DGKZ: variants seen among roughly 807,000 people sequenced by gnomAD.
DGKZ encodes the protein DAG kinase zeta.
Under a neutral mutation model 142.5 loss-of-function variants are expected in DGKZ, and 45 were observed. The ratio of observed to expected loss-of-function variants is 0.32; its 90% CI spans 0.25 to 0.40. The LOEUF is 0.40. Ranked by LOEUF, DGKZ falls within the 10% of genes least tolerant of loss-of-function variation. DGKZ has a pLI of 1.00. For synonymous variants in DGKZ, 442 were observed against 527.0 expected (o/e 0.84, Z 2.21); for missense variants, 755 against 1,306.5 (o/e 0.58, Z 6.51).
intron 1 of DGKZ, chr11:46,365,324 A>ATCACCCAGCT (rs1943126158): frequency 2.0e-6 from 2 of 985,432 alleles, no homozygotes; most frequent in Non-Finnish European, 2.4e-6. Context: ...GTTTCCCGGC[A>ATCACCCAGCT]TCACCCAGCT....
At chr11:46,366,332 G>T in intron 1 of DGKZ, 1 of 1,563,346 alleles carries the variant, frequency 6.4e-7, no homozygotes, top group African/African-American at 1.4e-5. Context: ...GCCCAGCAGC[G>T]TGGGGCTGCC....
upstream of DGKZ, among the ~76,000 whole-genome samples, chr11:46,345,062 C>T (rs1412820609): frequency 6.6e-6 from 1 of 152,130 alleles, no homozygotes; most frequent in African/African-American, 2.4e-5. The surrounding 1 kb of genome is among the most constrained non-coding windows in gnomAD (Gnocchi z 4.1). Context: ...CTGGGCACAC[C>T]CAGCCATTGT....
chr11:46,334,093 G>A (rs924795736), intron 1 of DGKZ, among the ~76,000 whole-genome samples: 1 of 145,612 alleles, frequency 6.9e-6, no homozygotes, highest in Non-Finnish European at 1.5e-5. Flanking sequence ...AGAGTCTCTT[G>A]GCCTGCCACC....
upstream of DGKZ, among the ~76,000 whole-genome samples, chr11:46,345,902 C>T (rs553320264): frequency 2.0e-5 from 3 of 152,254 alleles, no homozygotes; most frequent in East Asian, 1.9e-4. The surrounding 1 kb of genome is among the most constrained non-coding windows in gnomAD (Gnocchi z 4.1). Flanking sequence ...GTGGAGACTC[C>T]GTGGGGTCTT....
At chr11:46,354,005 G>A (rs1941713433) in intron 1 of DGKZ, among the ~76,000 whole-genome samples, 1 of 152,194 alleles carries the variant, frequency 6.6e-6, no homozygotes, top group African/African-American at 2.4e-5. Context: ...GGGGCAAGCT[G>A]GTTCTTGCTC....
At chr11:46,357,711 A>G (rs1323474532) in intron 1 of DGKZ, among the ~76,000 whole-genome samples, 2 of 152,216 alleles carry the variant, frequency 1.3e-5, no homozygotes, top group African/African-American at 4.8e-5. Context: ...AGGAGCAGGC[A>G]TGTGGGCTGA....
At chr11:46,341,184 A>T (rs959916856) in intron 1 of DGKZ, among the ~76,000 whole-genome samples, 5 of 152,320 alleles carry the variant, frequency 3.3e-5, no homozygotes, top group African/African-American at 1.2e-4. Context: ...ACTTAGGCAA[A>T]CAAGAAGCCA....
chr11:46,354,027 C>T (rs375350255), intron 1 of DGKZ, among the ~76,000 whole-genome samples: 5 of 152,198 alleles, frequency 3.3e-5, no homozygotes, highest in African/African-American at 9.7e-5. Context: ...CCAACCCACA[C>T]GGACACCCCA....
chr11:46,363,714 G>A (rs903848914), intron 1 of DGKZ, among the ~76,000 whole-genome samples: 7 of 152,210 alleles, frequency 4.6e-5, no homozygotes, highest in South Asian at 2.1e-4. Flanking sequence ...AGCATCAGGC[G>A]GTGTGTCCGG....
chr11:46,342,846 A>T (rs951360314), upstream of DGKZ, among the ~76,000 whole-genome samples: 1 of 152,224 alleles, frequency 6.6e-6, no homozygotes, highest in African/African-American at 2.4e-5. Flanking sequence ...AAATAAGGCC[A>T]GGTGCGGTGG....
chr11:46,376,344 G>A lies in DGKZ; in HGVS notation c.2108G>A (p.Gly703Glu), dbSNP rs779636820. 7 of 1,613,940 alleles carry A rather than the reference G, an allele frequency of 4.3e-6. No individual in the cohort carries two copies. Among genetic ancestry groups the A allele is most frequent in the Non-Finnish European group, 5.9e-6 (7 of 1,180,012 alleles). ...TCTCAACAGGAGCCCGATGGTGCTG[G>A]AGCCAAGTCCCCGACATGCCAGAAA... Residue 703 changes from glycine to glutamate, a missense_variant, in exon 23 of 31, where the codon GGA (glycine) becomes GAA (glutamate). Coordinates refer to ENST00000527911, the Ensembl canonical transcript of DGKZ.
chr11:46,361,280 G>A (rs2136440047), intron 1 of DGKZ, among the ~76,000 whole-genome samples: 1 of 152,332 alleles, frequency 6.6e-6, no homozygotes, highest in South Asian at 2.1e-4. Context: ...TCCCTAAAAG[G>A]GCCTGGCTCC....
intron 1 of DGKZ, among the ~76,000 whole-genome samples, chr11:46,340,108 A>G (rs1226736023): frequency 6.6e-6 from 1 of 152,270 alleles, no homozygotes; most frequent in Non-Finnish European, 1.5e-5. Flanking sequence ...TCACAGAGCC[A>G]GTAACTGGTG....
In DGKZ at chr11:46,366,851, C is replaced by A. The variant is rs544146483; in HGVS notation, c.162-440C>A. The A allele has an allele frequency of 1.4e-5, 22 of 1,546,664 alleles. No homozygotes were observed. In the Admixed American group the frequency reaches 4.0e-4, roughly 28 times the overall value. On this transcript the variant is annotated intron_variant, in intron 1 of 30. Coordinates refer to ENST00000527911, the Ensembl canonical transcript of DGKZ. ...GCGGCCCTCAGGCCAGCACCCTGGC[C>A]CTGGGGGCCGAAGAGCCTCAGGCAC...
At chr11:46,376,179 A>G (rs1332155943) in intron 22 of DGKZ, 34 bp downstream of exon 22, 1 of 1,609,386 alleles carries the variant, frequency 6.2e-7, no homozygotes, top group Admixed American at 1.7e-5. Flanking sequence ...GTGCCCACCG[A>G]GAGGGTGGTG....
In DGKZ at chr11:46,371,747, A is replaced by G. The variant is rs1439751485; in HGVS notation, c.803A>G (p.Lys268Arg). 9.3e-6 allele frequency: 15 copies of G among 1,613,728 alleles called. No individual in the cohort carries two copies. Among genetic ancestry groups the G allele is most frequent in the Non-Finnish European group, 1.3e-5 (15 of 1,179,928 alleles). The change falls in exon 9 of 31, where the codon AAG becomes AGG. Residue 268 changes from lysine to arginine, a missense_variant. Lys to Arg is a conservative substitution (Grantham distance 26, BLOSUM62 2). This residue lies in a region of DGKZ where 142 missense variants were observed against 244.4 expected (regional missense o/e 0.58). Transcript: ENST00000527911. ...AAGAAGAAGAAGAGGGCATCCTTCA[A>G]GAGGAAGTCCAGCAAGAAAGGGCCT...
intron 19 of DGKZ, 126 bp from the exon 20 acceptor site, chr11:46,375,306 C>A: frequency 8.8e-7 from 1 of 1,142,082 alleles, no homozygotes; most frequent in Non-Finnish European, 1.2e-6. Flanking sequence ...TCCCCTCTGC[C>A]CTCTGGCCAG....
At chr11:46,377,167 C>T (rs1357604600) in exon 25 of DGKZ, 6 of 1,608,628 alleles carry the variant, frequency 3.7e-6, no homozygotes, top group Non-Finnish European at 4.2e-6. Flanking sequence ...GACCTCCCAA[C>T]CCCCACTTCC....
upstream of DGKZ, among the ~76,000 whole-genome samples, chr11:46,343,107 G>C (rs979857994): frequency 2.0e-5 from 3 of 151,646 alleles, no homozygotes; most frequent in South Asian, 6.2e-4. Flanking sequence ...CTGGGTGACA[G>C]AGTGAGGCTC....
Sources: allele counts gnomAD v4.1 joint callset (sites outside exome capture counted in the v4.1 genomes callset), GRCh38; gene constraint gnomAD v4.1.1; regional missense constraint gnomAD v4.1.1; non-coding constraint Gnocchi (gnomAD v3.1); transcripts MANE v1.5; gene names NCBI Gene and HGNC (gene_info 2026-07-23, HGNC 2026-07-21).